DHRSX: variants seen among roughly 807,000 people sequenced by gnomAD.
DHRSX encodes dehydrogenase/reductase X-linked, also known as polyprenol dehydrogenase.
DHRSX carries 31 observed loss-of-function variants against 34.0 expected under a neutral mutation model. That is an observed-to-expected ratio of 0.91 (90% CI 0.69 to 1.23). DHRSX has a LOEUF of 1.23. Ranked by LOEUF, DHRSX falls within the 50% of genes most tolerant of loss-of-function variation. The probability of loss-of-function intolerance (pLI) is 0.00; values close to 1 mark genes in which losing one functional copy is unlikely to be tolerated. For missense variants in DHRSX, 414 were observed against 428.1 expected (o/e 0.97, Z 0.29); for synonymous variants, 201 against 183.8 (o/e 1.09, Z -0.76).
chrX:2,496,799 T>C (rs1439170381), intron 1 of DHRSX, among the ~76,000 whole-genome samples: 2 of 150,704 alleles, frequency 1.3e-5, no homozygotes, highest in Admixed American at 1.3e-4. Flanking sequence ...AAAATATCAA[T>C]TGTTTTTATT....
intron 3 of DHRSX, among the ~76,000 whole-genome samples, chrX:2,307,806 AAAAC>A (rs2042118164): frequency 6.6e-6 from 1 of 151,576 alleles, no homozygotes; most frequent in Admixed American, 6.6e-5. Context: ...AATAAAATAA[AAAAC>A]AAGGAAAAAC....
At chrX:2,397,109 C>T (rs2043421576) in intron 3 of DHRSX, among the ~76,000 whole-genome samples, 1 of 152,132 alleles carries the variant, frequency 6.6e-6, no homozygotes, top group Admixed American at 6.6e-5. Flanking sequence ...AAACGATCCT[C>T]CTGCCTCAGC....
chrX:2,463,311 G>C (rs1475093036), intron 1 of DHRSX, among the ~76,000 whole-genome samples: 2 of 152,046 alleles, frequency 1.3e-5, no homozygotes, highest in African/African-American at 4.8e-5. Context: ...GCAAGACTCC[G>C]TCTCAAAACA....
At chrX:2,363,010 TGCC>T (rs1422772701) in intron 3 of DHRSX, among the ~76,000 whole-genome samples, 3 of 121,866 alleles carry the variant, frequency 2.5e-5, no homozygotes, top group African/African-American at 8.4e-5. Context: ...TATGATATCA[TGCC>T]GCCATTTTAT....
At chrX:2,287,187 T>C (rs890431567) in intron 4 of DHRSX, among the ~76,000 whole-genome samples, 4 of 152,190 alleles carry the variant, frequency 2.6e-5, no homozygotes, top group Non-Finnish European at 5.9e-5. Flanking sequence ...GCAGGTTAAA[T>C]AATGCACAAC....
chrX:2,257,714 C>G (rs1399416147), intron 5 of DHRSX, among the ~76,000 whole-genome samples: 1 of 152,136 alleles, frequency 6.6e-6, no homozygotes. Flanking sequence ...CAACCTCCGC[C>G]TCCCGGGTTC....
At chrX:2,231,591 CTTTT>C (rs773367727) in intron 6 of DHRSX, among the ~76,000 whole-genome samples, 1 of 80,792 alleles carries the variant, frequency 1.2e-5, no homozygotes. Context: ...TCGTATCCTC[CTTTT>C]TCTTTTTTCC....
chrX:2,434,951 G>A (rs775578216), intron 1 of DHRSX, among the ~76,000 whole-genome samples: 6 of 152,276 alleles, frequency 3.9e-5, no homozygotes, highest in Admixed American at 1.3e-4. Flanking sequence ...AAAGACACAC[G>A]TGATTTGAAA....
chrX:2,246,744 GAAAGAA>G (rs1476935002), intron 5 of DHRSX, among the ~76,000 whole-genome samples: 117 of 108,112 alleles, frequency 1.1e-3, no homozygotes, highest in African/African-American at 3.1e-3. Flanking sequence ...AAGAAAGAAA[GAAAGAA>G]AAAGAAAGAA....
intron 1 of DHRSX, among the ~76,000 whole-genome samples, chrX:2,492,673 G>A (rs1214380116): frequency 2.7e-5 from 4 of 150,772 alleles, no homozygotes; most frequent in African/African-American, 9.8e-5. Context: ...CATGGAGACA[G>A]AGGCAGAGAC....
intron 1 of DHRSX, among the ~76,000 whole-genome samples, chrX:2,459,306 T>A (rs2044361072): frequency 6.6e-6 from 1 of 151,590 alleles, no homozygotes; most frequent in African/African-American, 2.4e-5. Flanking sequence ...CGAAGTGAGG[T>A]GATATAGGTT....
chrX:2,359,448 C>CG (rs1171667169), intron 3 of DHRSX, among the ~76,000 whole-genome samples: 6 of 152,000 alleles, frequency 3.9e-5, no homozygotes, highest in African/African-American at 1.5e-4. Context: ...GAGGCCAAGG[C>CG]GGGTGGATCG....
intron 1 of DHRSX, among the ~76,000 whole-genome samples, chrX:2,459,421 T>G (rs2044365708): frequency 6.6e-6 from 1 of 151,592 alleles, no homozygotes; most frequent in East Asian, 1.9e-4. Context: ...ATTCACTTAA[T>G]TATTAATGTT....
intron 3 of DHRSX, among the ~76,000 whole-genome samples, chrX:2,311,186 G>A (rs1432012228): frequency 6.6e-6 from 1 of 151,732 alleles, no homozygotes; most frequent in African/African-American, 2.4e-5. Flanking sequence ...GGGACAGAGA[G>A]GAATAGAATG....
intron 1 of DHRSX, among the ~76,000 whole-genome samples, chrX:2,466,589 C>G (rs1321961996): frequency 6.6e-6 from 1 of 151,982 alleles, no homozygotes; most frequent in Non-Finnish European, 1.5e-5. Context: ...ACATTGGGTA[C>G]TCATGGATAC....
chrX:2,465,986 A>C (rs1327675729), intron 1 of DHRSX, among the ~76,000 whole-genome samples: 1 of 152,200 alleles, frequency 6.6e-6, no homozygotes, highest in Non-Finnish European at 1.5e-5. Context: ...AGAAAGGCAA[A>C]CGCCATTCCA....
chrX:2,372,559 G>C (rs185947253), intron 3 of DHRSX, among the ~76,000 whole-genome samples: 1 of 151,986 alleles, frequency 6.6e-6, no homozygotes, highest in East Asian at 1.9e-4. Context: ...CCAGCATGTT[G>C]GGGTTTTAGG....
chrX:2,370,927 A>G (rs1439054714), intron 3 of DHRSX, among the ~76,000 whole-genome samples: 1 of 152,082 alleles, frequency 6.6e-6, no homozygotes, highest in Non-Finnish European at 1.5e-5. Context: ...CCCACATCGA[A>G]CGACCCCAAT....
rs973969573 is a variant in DHRSX, at chrX:2,392,515, G to A, written c.286+16230C>T. Reference sequence around the variant, plus strand: ...AAAATAAGTAGGTATATAATTTTATGTATATATTAATTTTATATTTTGTAT... The same window carrying A: ...AAAATAAGTAGGTATATAATTTTATATATATATTAATTTTATATTTTGTAT... On this transcript the variant is annotated intron_variant, in intron 3 of 6. Transcript: ENST00000334651. The A allele has an allele frequency of 1.7e-5, 4 of 233,402 alleles. 1 individual carries two copies. The highest frequency in any genetic ancestry group is 9.6e-5 in the African/African-American group (4 of 41,546). 14.5% of individuals were successfully genotyped at this position (233,402 alleles called of 1,614,324 possible). A position where few individuals can be genotyped will look rare whatever the true frequency, so the allele number is the denominator to read the frequency against.
Sources: gnomAD v4.1 joint callset for allele counts (sites outside exome capture counted in the v4.1 genomes callset) on GRCh38, gnomAD v4.1.1 for gene constraint, MANE v1.5 for transcripts, NCBI Gene and HGNC (gene_info 2026-07-23, HGNC 2026-07-21) for gene names.